The following PTPRD variants were observed in gnomAD, a reference collection of about 807,000 sequenced individuals.
The protein encoded by PTPRD is protein tyrosine phosphatase receptor type D.
A neutral mutation model predicts 214.5 loss-of-function variants in PTPRD; 34 were observed. The ratio of observed to expected loss-of-function variants is 0.16; its 90% CI spans 0.12 to 0.21. The LOEUF is 0.21. PTPRD is among the 10% of genes least tolerant of loss of function. PTPRD has a pLI of 1.00. For missense variants in PTPRD, 2,545 were observed against 2,398.7 expected (o/e 1.06, Z -1.27); for synonymous variants, 1,128 against 845.7 (o/e 1.33, Z -5.79).
chr9:10,192,352 C>T (rs890443004), intron 3 of PTPRD, among the ~76,000 whole-genome samples: 34 of 138,910 alleles, frequency 2.4e-4, no homozygotes, highest in Non-Finnish European at 4.6e-5. Flanking sequence ...TAGCTTAATA[C>T]AACAGAAATT....
intron 14 of PTPRD, among the ~76,000 whole-genome samples, chr9:8,627,756 C>T (rs2096091101): frequency 6.6e-6 from 1 of 151,832 alleles, no homozygotes; most frequent in Admixed American, 6.6e-5. Context: ...GTTTTAATGT[C>T]TCCCCTTACT....
rs72696890 is a variant in PTPRD at position 9,288,248 on chromosome 9, C to T, written c.-202-104885G>A. Among the ~76,000 whole-genome samples the T allele has an allele frequency of 5.0e-3, 756 of 151,954 alleles. 5 individuals are homozygous for T. The highest frequency in any genetic ancestry group is 7.1e-3 in the Admixed American group (108 of 15,202). Reference sequence around the variant, plus strand: ...TGTTGTCGGAGGTGATTTGTAAACACACTTGAACATATTTATTCAGTATAT... The same window carrying T: ...TGTTGTCGGAGGTGATTTGTAAACATACTTGAACATATTTATTCAGTATAT... On this transcript the variant is annotated intron_variant, in intron 9 of 45. Coordinates refer to ENST00000381196, the MANE Select transcript of PTPRD (RefSeq NM_002839.4).
chr9:9,584,643 C>G (rs568695597), intron 7 of PTPRD, among the ~76,000 whole-genome samples: 11 of 151,930 alleles, frequency 7.2e-5, no homozygotes, highest in Non-Finnish European at 1.6e-4. Context: ...ATCCATTCCT[C>G]TTCTATTACT....
At chr9:10,323,209 CCTCCCCTCCCCTTCCCTTCT>C (rs1487923826) in intron 3 of PTPRD, among the ~76,000 whole-genome samples, 4 of 70,384 alleles carry the variant, frequency 5.7e-5, no homozygotes, top group African/African-American at 2.4e-4. Flanking sequence ...TCTTCCCTCC[CCTCCCCTCCCCTTCCCTTCT>C]CTCCCCTCCC....
intron 39 of PTPRD, among the ~76,000 whole-genome samples, chr9:8,370,886 G>C (rs1160852346): frequency 6.6e-6 from 1 of 152,018 alleles, no homozygotes. Flanking sequence ...GATCTTACCT[G>C]GCCTCTGCTG....
chr9:9,323,687 T>C (rs1004627458), intron 9 of PTPRD, among the ~76,000 whole-genome samples: 5 of 152,090 alleles, frequency 3.3e-5, no homozygotes, highest in African/African-American at 1.2e-4. Context: ...ATATGCATTC[T>C]CTCTCTTGTT....
chr9:8,741,566 C>CTTT lies in PTPRD; in HGVS notation c.-103-7623_-103-7621dup, dbSNP rs66547770. 4.6e-3 allele frequency among the ~76,000 whole-genome samples: 327 copies of CTTT among 70,626 alleles called. 28 individuals carry two copies. Among genetic ancestry groups the CTTT allele is most frequent in the East Asian group, 5.8e-3 (12 of 2,064 alleles). 46.3% of individuals were successfully genotyped at this position (70,626 alleles called of 152,430 possible). ...TCTATTATTTTAATCTCAGGCATTT[C>CTTT]TTTTTTTTTTTTTTTTTTTTTTTTT... On this transcript the variant is annotated intron_variant, in intron 11 of 45. Transcript: ENST00000381196.
At chr9:9,907,167 T>TTTTG (rs958527212) in intron 5 of PTPRD, among the ~76,000 whole-genome samples, 6 of 151,454 alleles carry the variant, frequency 4.0e-5, no homozygotes, top group African/African-American at 1.2e-4. Flanking sequence ...AACTCCAGGT[T>TTTTG]TTTGTTTTGC....
At chr9:10,248,542 G>C (rs1163062060) in intron 3 of PTPRD, among the ~76,000 whole-genome samples, 1 of 112,022 alleles carries the variant, frequency 8.9e-6, no homozygotes, top group African/African-American at 4.2e-5. Flanking sequence ...AAAATAAAGC[G>C]AGAAACCAAA....
intron 12 of PTPRD, among the ~76,000 whole-genome samples, chr9:8,639,418 C>G (rs2096525515): frequency 6.6e-6 from 1 of 150,396 alleles, no homozygotes; most frequent in Non-Finnish European, 1.5e-5. Flanking sequence ...CCTTCCTTTT[C>G]TTGTCCATAG....
chr9:9,097,967 G>C (rs757060845), intron 10 of PTPRD, among the ~76,000 whole-genome samples: 17 of 152,020 alleles, frequency 1.1e-4, no homozygotes, highest in Non-Finnish European at 1.8e-4. Flanking sequence ...GATCCAGAGA[G>C]GGACCTGGAA....
chr9:8,373,303 C>A (rs2082092989), intron 39 of PTPRD, among the ~76,000 whole-genome samples: 1 of 151,800 alleles, frequency 6.6e-6, no homozygotes, highest in Non-Finnish European at 1.5e-5. Flanking sequence ...TTGACATGAC[C>A]CTCCTAAATA....
intron 3 of PTPRD, among the ~76,000 whole-genome samples, chr9:10,291,398 G>T (rs1345359173): frequency 3.9e-5 from 6 of 152,136 alleles, no homozygotes; most frequent in African/African-American, 1.4e-4. Flanking sequence ...TAGGGCAAAA[G>T]AAACTTTTCA....
intron 11 of PTPRD, among the ~76,000 whole-genome samples, chr9:8,794,870 A>C (rs1040300949): frequency 1.3e-5 from 2 of 152,040 alleles, no homozygotes; most frequent in African/African-American, 4.8e-5. Context: ...AAAAAAAAAA[A>C]CATCAAACTG....
At chr9:10,507,322 T>C (rs1195083829) in intron 2 of PTPRD, among the ~76,000 whole-genome samples, 6 of 152,082 alleles carry the variant, frequency 3.9e-5, no homozygotes, top group Non-Finnish European at 5.9e-5. Flanking sequence ...TGGAAGAACA[T>C]TCCATGCTCA....
intron 37 of PTPRD, among the ~76,000 whole-genome samples, chr9:8,379,129 T>A (rs543842410): frequency 2.4e-4 from 36 of 152,276 alleles, no homozygotes; most frequent in Non-Finnish European, 4.7e-4. Flanking sequence ...CAAACTCAAC[T>A]GCAAAAATCA....
chr9:10,241,466 A>G (rs2091032913), intron 3 of PTPRD, among the ~76,000 whole-genome samples: 1 of 151,988 alleles, frequency 6.6e-6, no homozygotes, highest in African/African-American at 2.4e-5. Context: ...TCAACAAGTC[A>G]ATGGAAAACC....
At chr9:10,282,749 A>G (rs1344620593) in intron 3 of PTPRD, among the ~76,000 whole-genome samples, 1 of 152,092 alleles carries the variant, frequency 6.6e-6, no homozygotes, top group African/African-American at 2.4e-5. Context: ...GATTGTAGTT[A>G]GGATTTAGAA....
intron 4 of PTPRD, among the ~76,000 whole-genome samples, chr9:10,018,960 C>A (rs2096786098): frequency 6.6e-6 from 1 of 152,004 alleles, no homozygotes; most frequent in Non-Finnish European, 1.5e-5. Flanking sequence ...TTCTGCGCAG[C>A]AAAAGAAACT....
Sources: allele counts gnomAD v4.1 joint callset (sites outside exome capture counted in the v4.1 genomes callset), GRCh38; gene constraint gnomAD v4.1.1; transcripts MANE v1.5; gene names NCBI Gene and HGNC (gene_info 2026-07-23, HGNC 2026-07-21).